ARHGEF10L: variants seen among roughly 807,000 people sequenced by gnomAD.
The protein encoded by ARHGEF10L is rho guanine nucleotide exchange factor 10-like protein.
ARHGEF10L carries 69 observed loss-of-function variants against 141.2 expected under a neutral mutation model. The ratio of observed to expected loss-of-function variants is 0.49; its 90% CI spans 0.40 to 0.60. The LOEUF is 0.60. ARHGEF10L is among the 20% of genes least tolerant of loss of function. ARHGEF10L has a pLI of 0.00. For missense variants in ARHGEF10L, 1,482 were observed against 1,734.3 expected, an observed-to-expected ratio of 0.85 and a Z score of 2.58; for synonymous variants, 711 against 718.5, an observed-to-expected ratio of 0.99 and a Z score of 0.17.
At position 17,654,172 on chromosome 1, in the gene ARHGEF10L, G is replaced by A. The variant is rs542627040; in HGVS notation, c.2395-464G>A. Among the ~76,000 whole-genome samples the A allele has an allele frequency of 2.0e-5, 3 of 152,204 alleles. No individual in the cohort carries two copies. The highest frequency in any genetic ancestry group is 4.4e-5 in the Non-Finnish European group (3 of 68,036). On this transcript the variant is annotated intron_variant, in intron 22 of 28. Transcript: ENST00000361221. This position sits in a 1 kb window ranked among gnomAD's most constrained non-coding sequence, Gnocchi z 4.3. ...ATGGGGTCTGTGGCAGCTGATTCAGGGGGGAGCAGGCGGAAGGTGGTTACT... is the reference window on the plus strand; with the variant it reads ...ATGGGGTCTGTGGCAGCTGATTCAGAGGGGAGCAGGCGGAAGGTGGTTACT...
intron 27 of ARHGEF10L, among the ~76,000 whole-genome samples, chr1:17,690,733 T>C (rs1402906049): frequency 2.0e-5 from 3 of 152,158 alleles, no homozygotes; most frequent in African/African-American, 7.2e-5. Context: ...GACCAGTTCC[T>C]CCTGACCCCT....
chr1:17,567,664 A>T (rs1416202344), intron 1 of ARHGEF10L, among the ~76,000 whole-genome samples: 1 of 152,174 alleles, frequency 6.6e-6, no homozygotes, highest in Non-Finnish European at 1.5e-5. Flanking sequence ...CACTGTGACC[A>T]GCCTAGCAGA....
intron 4 of ARHGEF10L, among the ~76,000 whole-genome samples, chr1:17,597,909 G>C (rs1396499289): frequency 6.6e-6 from 1 of 152,108 alleles, no homozygotes; most frequent in Non-Finnish European, 1.5e-5. Flanking sequence ...TGATGCCTCT[G>C]CCCACCTCCA....
At chr1:17,675,222 T>G (rs933553514) in intron 26 of ARHGEF10L, among the ~76,000 whole-genome samples, 3 of 152,202 alleles carry the variant, frequency 2.0e-5, no homozygotes, top group Non-Finnish European at 4.4e-5. Context: ...GATTTACATG[T>G]GGAAACAGAA....
At position 17,555,543 on chromosome 1, in the gene ARHGEF10L, C is replaced by T. The variant is rs145223534; in HGVS notation, c.-44+15593C>T. Among the ~76,000 whole-genome samples, 19 of 152,180 alleles carry T rather than the reference C, an allele frequency of 1.2e-4. No individual in the cohort carries two copies. The East Asian group carries it at 2.5e-3, about 20-fold the overall frequency. The stretch of plus-strand genomic sequence containing the variant: ...GATAACTTTGTATTTTTAGTAGAGA[C>T]GGGGTTTCTCCATGTTGGTCAGGCT... On this transcript the variant is annotated intron_variant, in intron 1 of 28. Transcript: ENST00000361221.
At chr1:17,552,923 C>T (rs2077169702) in intron 1 of ARHGEF10L, among the ~76,000 whole-genome samples, 2 of 152,194 alleles carry the variant, frequency 1.3e-5, no homozygotes, top group Non-Finnish European at 2.9e-5. Flanking sequence ...CTTTGTTCAG[C>T]TGAGCATGAG....
At position 17,656,608 on chromosome 1, in the gene ARHGEF10L, G is replaced by A. The variant is rs2297915; in HGVS notation, c.2760G>A (p.Arg920=). 31 of 1,613,164 alleles carry A rather than the reference G, an allele frequency of 1.9e-5. No homozygotes were observed. The East Asian group carries it at 2.5e-4, about 13-fold the overall frequency. ...GCACCCAGTGCCTGGTGAGCTGCAGGAGCCCAGGTCTGCAGCCTGTGCTCT... is the reference window on the plus strand; with the variant it reads ...GCACCCAGTGCCTGGTGAGCTGCAGAAGCCCAGGTCTGCAGCCTGTGCTCT... ...DTGTQCLVSC[R]SPGLQPVLCL... The change falls in exon 25 of 29, where the codon AGG becomes AGA. Residue 920 remains arginine (R), a synonymous_variant. Coordinates refer to ENST00000361221, the MANE Select transcript of ARHGEF10L (RefSeq NM_018125.4). This position sits in a 1 kb window ranked among gnomAD's most constrained non-coding sequence, Gnocchi z 4.9.
At chr1:17,645,585 G>C (rs564581157) in intron 21 of ARHGEF10L, among the ~76,000 whole-genome samples, 2 of 152,216 alleles carry the variant, frequency 1.3e-5, no homozygotes, top group Non-Finnish European at 2.9e-5. Context: ...CTGCTTGATT[G>C]TAAGTTCCTT....
At chr1:17,658,740 A>G (rs2062426488) in intron 25 of ARHGEF10L, among the ~76,000 whole-genome samples, 1 of 152,060 alleles carries the variant, frequency 6.6e-6, no homozygotes, top group Non-Finnish European at 1.5e-5. Context: ...AAACAAGCAG[A>G]AGTATAAGAC....
chr1:17,611,726 C>T (rs186927967), intron 7 of ARHGEF10L, among the ~76,000 whole-genome samples: 12 of 152,246 alleles, frequency 7.9e-5, no homozygotes, highest in Admixed American at 2.0e-4. Context: ...ACTATTATGG[C>T]CACTTTACCA....
In ARHGEF10L at chr1:17,646,073, C is replaced by T. The variant is rs560914238; in HGVS notation, c.2273-2481C>T. Among the ~76,000 whole-genome samples the T allele has an allele frequency of 5.9e-5, 9 of 152,318 alleles. No homozygotes were observed. In the East Asian group the frequency reaches 1.4e-3, roughly 23 times the overall value. On this transcript the variant is annotated intron_variant, in intron 21 of 28. Coordinates refer to ENST00000361221, the MANE Select transcript of ARHGEF10L (RefSeq NM_018125.4). Reference sequence around the variant, plus strand: ...ATGGAGGATGCCTCTGGGCCCATTTCGGGAATGAGTTCACTGCTCAGTGAC... The same window carrying T: ...ATGGAGGATGCCTCTGGGCCCATTTTGGGAATGAGTTCACTGCTCAGTGAC...
In ARHGEF10L at chr1:17,673,213, G is replaced by T. The variant is rs567265628; in HGVS notation, c.3009+8618G>T. On this transcript the variant is annotated intron_variant, in intron 26 of 28. Coordinates refer to ENST00000361221, the MANE Select transcript of ARHGEF10L (RefSeq NM_018125.4). The surrounding 1 kb of genome is among the most constrained non-coding windows in gnomAD (Gnocchi z 4.1). ...GGAGGTGAGGAAGGGGAGCTGGCAC[G>T]GCAGGGGCAGTCCTGTCCTTGTGAG... Among the ~76,000 whole-genome samples, 5 of 152,204 alleles carry T rather than the reference G, an allele frequency of 3.3e-5. No homozygotes were observed. The South Asian group carries it at 1.0e-3, about 32-fold the overall frequency.
At position 17,664,460 on chromosome 1, in the gene ARHGEF10L, G is replaced by A. The variant is rs781196828; in HGVS notation, c.2874G>A (p.Trp958Ter). The A allele has an allele frequency of 6.2e-7, 1 of 1,604,284 alleles. No homozygotes were observed. Among genetic ancestry groups the A allele is most frequent in the Non-Finnish European group, 8.5e-7 (1 of 1,179,726 alleles). Residue 958 changes from tryptophan (W) to a stop codon, truncating the protein, a stop_gained, in exon 26 of 29, where the codon TGG becomes TGA. Transcript: ENST00000361221. LOFTEE classifies it high-confidence loss of function. ...AYPRTSGGVLWDLESPPVCLT... is the reference protein window; with the variant it reads ...AYPRTSGGVL ...CTCTCCCTGCAGGAGGTGTCCTGTGGGACCTGGAGAGCCCTCCCGTGTGCC... is the reference window on the plus strand; with the variant it reads ...CTCTCCCTGCAGGAGGTGTCCTGTGAGACCTGGAGAGCCCTCCCGTGTGCC...
chr1:17,678,529 C>A (rs1438151861), intron 26 of ARHGEF10L, among the ~76,000 whole-genome samples: 1 of 151,414 alleles, frequency 6.6e-6, no homozygotes, highest in African/African-American at 2.4e-5. Context: ...AGGCGACTCT[C>A]CGGTCTCAGC....
chr1:17,646,147 C>T (rs552129868), intron 21 of ARHGEF10L, among the ~76,000 whole-genome samples: 1 of 152,218 alleles, frequency 6.6e-6, no homozygotes, highest in African/African-American at 2.4e-5. Flanking sequence ...TTCACATCAT[C>T]AAGCCTGACA....
At position 17,639,255 on chromosome 1, in the gene ARHGEF10L, C is replaced by T. The variant is rs2061191340; in HGVS notation, c.2171+566C>T. On this transcript the variant is annotated intron_variant, in intron 20 of 28. Coordinates refer to ENST00000361221, the MANE Select transcript of ARHGEF10L (RefSeq NM_018125.4). This position sits in a 1 kb window ranked among gnomAD's most constrained non-coding sequence, Gnocchi z 4.3. ...TTTTACAGATGAGGAAGGTGAGGCT[C>T]AGAGTTTCAGGAGAGGCTGAAGGCC... Among the ~76,000 whole-genome samples, 1 of 152,160 alleles carries T rather than the reference C, an allele frequency of 6.6e-6. No homozygotes were observed. The highest frequency in any genetic ancestry group is 1.5e-5 in the Non-Finnish European group (1 of 68,044).
intron 23 of ARHGEF10L, 114 bp from the exon 24 acceptor site, chr1:17,655,765 G>A (rs1201704207): frequency 5.3e-6 from 5 of 936,476 alleles, no homozygotes; most frequent in Non-Finnish European, 8.1e-6. Flanking sequence ...GTGTGGGCAG[G>A]AGAAGGGATG....
At chr1:17,528,070 T>C in the ARHGEF10L span, among the ~76,000 whole-genome samples, 41 of 151,996 alleles carry the variant, frequency 2.7e-4, no homozygotes, top group African/African-American at 9.4e-4. Context: ...GGTTTTGCCA[T>C]GTTGGTCTCA....
the ARHGEF10L span, among the ~76,000 whole-genome samples, chr1:17,514,552 C>A: frequency 6.6e-6 from 1 of 152,118 alleles, no homozygotes; most frequent in Non-Finnish European, 1.5e-5. Flanking sequence ...GAACATGCTT[C>A]TCAGGAAGGA....
Sources: allele counts gnomAD v4.1 joint callset (sites outside exome capture counted in the v4.1 genomes callset), GRCh38; gene constraint gnomAD v4.1.1; non-coding constraint Gnocchi (gnomAD v3.1); transcripts MANE v1.5; gene names NCBI Gene and HGNC (gene_info 2026-07-23, HGNC 2026-07-21).